TSPAN9: variants seen among roughly 807,000 people sequenced by gnomAD.
TSPAN9 encodes tetraspanin 9.
TSPAN9 carries 16 observed loss-of-function variants against 31.0 expected under a neutral mutation model. The observed-to-expected ratio is 0.52, with a 90% CI of 0.35 to 0.78. The LOEUF is 0.78. Ranked by LOEUF, TSPAN9 falls within the 30% of genes least tolerant of loss-of-function variation. The pLI is 0.01. For synonymous variants in TSPAN9, 145 were observed against 121.6 expected (o/e 1.19, Z -1.27); for missense variants, 272 against 312.5 (o/e 0.87, Z 0.98).
chr12:3,275,585 C>T (rs995729369), intron 3 of TSPAN9, among the ~76,000 whole-genome samples: 1 of 152,270 alleles, frequency 6.6e-6, no homozygotes, highest in African/African-American at 2.4e-5. Flanking sequence ...TTTCAGCCAT[C>T]GCTGGCGAAC....
rs146389571 is a variant in TSPAN9, at chr12:3,153,707, T to C, written c.-17-47470T>C. Among the ~76,000 whole-genome samples, 27 of 152,312 alleles carry C rather than the reference T, an allele frequency of 1.8e-4. No homozygotes were observed. The East Asian group carries it at 3.9e-3, about 22-fold the overall frequency. ...TTATATATATGTGTGTGCGTGTGTGTCTGTGGATGTATCTCTGTCTGTTTC... is the reference window on the plus strand; with the variant it reads ...TTATATATATGTGTGTGCGTGTGTGCCTGTGGATGTATCTCTGTCTGTTTC... On this transcript the variant is annotated intron_variant, in intron 2 of 8. Transcript: ENST00000011898.
At chr12:3,272,031 G>A (rs1187185172) in intron 3 of TSPAN9, among the ~76,000 whole-genome samples, 3 of 152,148 alleles carry the variant, frequency 2.0e-5, no homozygotes, top group Non-Finnish European at 4.4e-5. Flanking sequence ...GCCATTAAAT[G>A]TTGGGCCTGG....
intron 3 of TSPAN9, among the ~76,000 whole-genome samples, chr12:3,275,153 G>C (rs569841961): frequency 1.3e-5 from 2 of 152,338 alleles, no homozygotes; most frequent in African/African-American, 4.8e-5. Context: ...TGGAGTTTCT[G>C]ACCTAAGAGG....
intron 2 of TSPAN9, among the ~76,000 whole-genome samples, chr12:3,181,171 A>G (rs2098358408): frequency 6.6e-6 from 1 of 151,852 alleles, no homozygotes; most frequent in African/African-American, 2.4e-5. Context: ...CTGCTTTACT[A>G]CTCCAGAGGG....
At position 3,147,636 on chromosome 12, in the gene TSPAN9, A is replaced by C. The variant is rs1450071164; in HGVS notation, c.-17-53541A>C. 2.6e-5 allele frequency among the ~76,000 whole-genome samples: 4 copies of C among 152,254 alleles called. No individual in the cohort carries two copies. The highest frequency in any genetic ancestry group is 5.9e-5 in the Non-Finnish European group (4 of 68,040). ...GCCCAGTACAGTAGCCACCGGCTAC[A>C]TGTGGCCGTTGAGCATTGAAAATGG... On this transcript the variant is annotated intron_variant, in intron 2 of 8. Coordinates refer to ENST00000011898, the MANE Select transcript of TSPAN9 (RefSeq NM_006675.5). This position sits in a 1 kb window ranked among gnomAD's most constrained non-coding sequence, Gnocchi z 4.3.
intron 2 of TSPAN9, among the ~76,000 whole-genome samples, chr12:3,178,715 G>C (rs1385850056): frequency 6.6e-6 from 1 of 152,200 alleles, no homozygotes. Context: ...TCAACGAGAC[G>C]GGTGGTGTAG....
intron 2 of TSPAN9, among the ~76,000 whole-genome samples, chr12:3,150,627 G>T (rs946622887): frequency 6.6e-6 from 1 of 152,146 alleles, no homozygotes; most frequent in East Asian, 1.9e-4. Context: ...CGTTGTATTT[G>T]GTGTCTTAAG....
chr12:3,178,174 C>T (rs1463484611), intron 2 of TSPAN9, among the ~76,000 whole-genome samples: 6 of 152,186 alleles, frequency 3.9e-5, no homozygotes, highest in Admixed American at 6.5e-5. Context: ...CCGCTACCCA[C>T]GTATCCACTC....
At chr12:3,276,231 G>C (rs150407498) in intron 3 of TSPAN9, among the ~76,000 whole-genome samples, 2 of 152,186 alleles carry the variant, frequency 1.3e-5, no homozygotes, top group African/African-American at 4.8e-5. Context: ...CCTCCCTCGG[G>C]CCCTCCCGCG....
At chr12:3,097,667 A>G (rs2098309793) in intron 2 of TSPAN9, among the ~76,000 whole-genome samples, 1 of 152,178 alleles carries the variant, frequency 6.6e-6, no homozygotes, top group Non-Finnish European at 1.5e-5. Context: ...CTGATAAGGT[A>G]GCAGGACTTA....
intron 3 of TSPAN9, among the ~76,000 whole-genome samples, chr12:3,266,555 A>G (rs886991922): frequency 9.9e-5 from 15 of 152,164 alleles, no homozygotes; most frequent in Non-Finnish European, 4.4e-5. Context: ...GCAGCTTTCA[A>G]CGGAGTAACC....
At position 3,278,980 on chromosome 12, in the gene TSPAN9, T is replaced by C. The variant is rs1194063459; in HGVS notation, c.256-12T>C. ...ATTACCACCTACCCATGCCTGGCCC[T>C]TTCCTTTCCAGTTTTTCATCGTCCT... On this transcript the variant is annotated splice_polypyrimidine_tract_variant and intron_variant, in intron 4 of 8. Transcript: ENST00000011898. 6.2e-6 allele frequency: 10 copies of C among 1,614,072 alleles called. No individual in the cohort carries two copies. The highest frequency in any genetic ancestry group is 8.5e-6 in the Non-Finnish European group (10 of 1,179,910).
intron 3 of TSPAN9, among the ~76,000 whole-genome samples, chr12:3,250,311 G>C (rs1862224070): frequency 6.6e-6 from 1 of 152,184 alleles, no homozygotes; most frequent in Admixed American, 6.5e-5. Flanking sequence ...GGGTTGCCTG[G>C]GGTTCTATTT....
chr12:3,089,181 G>A (rs2098302526), intron 2 of TSPAN9, among the ~76,000 whole-genome samples: 2 of 149,928 alleles, frequency 1.3e-5, no homozygotes, highest in South Asian at 2.1e-4. Context: ...GCAGTGAGCT[G>A]AGATCGCGCC....
intron 1 of TSPAN9, among the ~76,000 whole-genome samples, chr12:3,079,204 C>A (rs2098296596): frequency 6.6e-6 from 1 of 152,168 alleles, no homozygotes; most frequent in Non-Finnish European, 1.5e-5. Flanking sequence ...GTCTTGAACT[C>A]CTGACCTCAA....
At chr12:3,141,144 G>C (rs2098334636) in intron 2 of TSPAN9, among the ~76,000 whole-genome samples, 1 of 152,036 alleles carries the variant, frequency 6.6e-6, no homozygotes, top group Non-Finnish European at 1.5e-5. Context: ...CCCAGGGTTA[G>C]CTCAGCTTCC....
At chr12:3,091,364 A>G (rs1162898566) in intron 2 of TSPAN9, among the ~76,000 whole-genome samples, 1 of 152,094 alleles carries the variant, frequency 6.6e-6, no homozygotes, top group Non-Finnish European at 1.5e-5. Context: ...TCGTTTTTAT[A>G]TTTAGTTTTC....
chr12:3,078,741 A>G (rs1392877665), intron 1 of TSPAN9, among the ~76,000 whole-genome samples: 1 of 151,250 alleles, frequency 6.6e-6, no homozygotes, highest in Non-Finnish European at 1.5e-5. Flanking sequence ...TCACTCACTG[A>G]AGACGCCCTG....
At chr12:3,264,613 C>T (rs1862509327) in intron 3 of TSPAN9, among the ~76,000 whole-genome samples, 1 of 152,176 alleles carries the variant, frequency 6.6e-6, no homozygotes, top group South Asian at 2.1e-4. Flanking sequence ...GGGGCCGGGG[C>T]AGTGCGGGCA....
Sources: gnomAD v4.1 joint callset for allele counts (sites outside exome capture counted in the v4.1 genomes callset) on GRCh38, gnomAD v4.1.1 for gene constraint, Gnocchi (gnomAD v3.1) non-coding constraint, MANE v1.5 for transcripts, NCBI Gene and HGNC (gene_info 2026-07-23, HGNC 2026-07-21) for gene names.